HIPK2: variants seen among roughly 807,000 people sequenced by gnomAD.
The protein encoded by HIPK2 is homeodomain-interacting protein kinase 2.
In HIPK2, 27 loss-of-function variants were observed where a neutral mutation model predicts 113.7. The ratio of observed to expected loss-of-function variants is 0.24; its 90% CI spans 0.17 to 0.33. The LOEUF is 0.33. Among genes scored for constraint, HIPK2 ranks in the 10% least tolerant of loss-of-function variants. HIPK2 has a pLI of 1.00. For synonymous variants in HIPK2, 631 were observed against 642.2 expected (o/e 0.98, Z 0.26); for missense variants, 1,257 against 1,588.0 (o/e 0.79, Z 3.54).
chr7:139,755,321 A>G (rs1796345201), intron 1 of HIPK2, among the ~76,000 whole-genome samples: 1 of 152,222 alleles, frequency 6.6e-6, no homozygotes, highest in Admixed American at 6.5e-5. Flanking sequence ...AAAGAACATC[A>G]GTTTTTTACA....
rs76519677 is a variant in HIPK2 at position 139,768,953 on chromosome 7, T to C, written c.19+8652A>G. Among the ~76,000 whole-genome samples the C allele has an allele frequency of 3.1e-3, 470 of 152,302 alleles. 1 individual carries two copies. Among genetic ancestry groups the C allele is most frequent in the African/African-American group, 0.011 (438 of 41,550 alleles). Reference sequence around the variant, plus strand: ...TCATTGCTCTGGCCTCAGATTCTCATGTGTCAAAGACTGAATAATAACGCA... The same window carrying C: ...TCATTGCTCTGGCCTCAGATTCTCACGTGTCAAAGACTGAATAATAACGCA... On this transcript the variant is annotated intron_variant, in intron 1 of 14. Coordinates refer to ENST00000406875, the MANE Select transcript of HIPK2 (RefSeq NM_022740.5).
chr7:139,654,413 T>G (rs1569465680), intron 2 of HIPK2, among the ~76,000 whole-genome samples: 1 of 151,884 alleles, frequency 6.6e-6, no homozygotes, highest in Non-Finnish European at 1.5e-5. Context: ...CTCTGGAGGG[T>G]GAGGCAGGAG....
At position 139,572,910 on chromosome 7, in the gene HIPK2, TCC is replaced by T; in HGVS notation, c.*15_*16del. 4.6e-6 allele frequency: 1 copy of T among 217,220 alleles called. No homozygotes were observed. The highest frequency in any genetic ancestry group is 8.9e-6 in the Non-Finnish European group (1 of 112,458). 13.5% of individuals were successfully genotyped at this position (217,220 alleles called of 1,614,324 possible). A position where few individuals can be genotyped will look rare whatever the true frequency, so the allele number is the denominator to read the frequency against. The stretch of plus-strand genomic sequence containing the variant: ...GCCATTCTCTCCCTCCCTCCCTCCC[TCC>T]CTCCCCTCCAGTGTTTATATGTAAG... On this transcript the variant is annotated 3_prime_UTR_variant, in exon 15 of 15. Transcript: ENST00000406875.
chr7:139,720,401 C>T (rs942420112), intron 1 of HIPK2, among the ~76,000 whole-genome samples: 1 of 152,180 alleles, frequency 6.6e-6, no homozygotes, highest in Non-Finnish European at 1.5e-5. Context: ...TCCCTTCTTG[C>T]TTCAATCCTG....
At chr7:139,744,686 ACTTG>A (rs1796161159) in intron 1 of HIPK2, among the ~76,000 whole-genome samples, 1 of 152,210 alleles carries the variant, frequency 6.6e-6, no homozygotes, top group Non-Finnish European at 1.5e-5. Flanking sequence ...AGATGAGGAA[ACTTG>A]AGGACTGGTG....
intron 12 of HIPK2, among the ~76,000 whole-genome samples, chr7:139,594,524 T>C (rs750736418): frequency 3.4e-4 from 52 of 152,208 alleles, no homozygotes; most frequent in Non-Finnish European, 5.7e-4. Context: ...GGTTTCTCTA[T>C]AAATAAAACA....
rs546082331 is a variant in HIPK2, at chr7:139,561,720, G to C, written c.*11207C>G. On this transcript the variant is annotated 3_prime_UTR_variant, in exon 15 of 15. Coordinates refer to ENST00000406875, the MANE Select transcript of HIPK2 (RefSeq NM_022740.5). ...AAAAATGATCAAAAAGAAACTATGA[G>C]TAACAAGCTATAACATAGTTCACCA... is the stretch of plus-strand genomic sequence containing the variant. The C allele has an allele frequency of 6.6e-6, 1 of 151,488 alleles. No individual in the cohort carries two copies. The highest frequency in any genetic ancestry group is 1.5e-5 in the Non-Finnish European group (1 of 67,976). The allele number at this position is 151,488 out of a possible 1,614,324, so 9.4% of individuals were successfully genotyped here. A position where few individuals can be genotyped will look rare whatever the true frequency, so the allele number is the denominator to read the frequency against.
intron 12 of HIPK2, among the ~76,000 whole-genome samples, chr7:139,590,901 G>A (rs55783681): frequency 1.3e-5 from 2 of 152,112 alleles, no homozygotes; most frequent in Non-Finnish European, 2.9e-5. Flanking sequence ...CTGCAGTATC[G>A]TGTTATGAGC....
intron 2 of HIPK2, among the ~76,000 whole-genome samples, chr7:139,638,734 T>G (rs1405803437): frequency 6.7e-6 from 1 of 150,102 alleles, no homozygotes; most frequent in African/African-American, 2.5e-5. Flanking sequence ...CTTGGCTCAC[T>G]GCCAGCTCCA....
At chr7:139,731,116 T>C (rs1795766045) in intron 1 of HIPK2, among the ~76,000 whole-genome samples, 1 of 152,244 alleles carries the variant, frequency 6.6e-6, no homozygotes, top group African/African-American at 2.4e-5. Context: ...ATGAAACTAG[T>C]ACCCTCTGCA....
intron 1 of HIPK2, among the ~76,000 whole-genome samples, chr7:139,753,726 CA>C (rs1176870234): frequency 6.6e-6 from 1 of 152,226 alleles, no homozygotes; most frequent in Non-Finnish European, 1.5e-5. Context: ...GCTGGAGGGC[CA>C]AGGGAGCGTC....
chr7:139,671,533 G>A (rs1802299302), intron 2 of HIPK2, among the ~76,000 whole-genome samples: 1 of 152,140 alleles, frequency 6.6e-6, no homozygotes. Flanking sequence ...TAGACTCATT[G>A]GTAGTACTTT....
chr7:139,592,093 C>T (rs1799045914), intron 12 of HIPK2, among the ~76,000 whole-genome samples: 1 of 152,236 alleles, frequency 6.6e-6, no homozygotes, highest in Non-Finnish European at 1.5e-5. Flanking sequence ...TTTCTCTAGA[C>T]TTTCAACTTA....
chr7:139,656,739 C>A (rs1306106106), intron 2 of HIPK2, among the ~76,000 whole-genome samples: 1 of 151,976 alleles, frequency 6.6e-6, no homozygotes, highest in African/African-American at 2.4e-5. Context: ...TAGGTCTGAC[C>A]CTTCCCTGTC....
At chr7:139,576,589 G>GCCCTGTGGCGTGATCTC (rs1798499625) in intron 13 of HIPK2, among the ~76,000 whole-genome samples, 1 of 152,216 alleles carries the variant, frequency 6.6e-6, no homozygotes. Flanking sequence ...AGTATTTTCT[G>GCCCTGTGGCGTGATCTC]AGCTCCTGCC....
At position 139,567,610 on chromosome 7, in the gene HIPK2, G is replaced by A. The variant is rs1488248274; in HGVS notation, c.*5317C>T. The A allele has an allele frequency of 2.0e-5, 3 of 152,084 alleles. No individual in the cohort carries two copies. The highest frequency in any genetic ancestry group is 7.2e-5 in the African/African-American group (3 of 41,392). 9.4% of individuals were successfully genotyped at this position (152,084 alleles called of 1,614,324 possible). A position where few individuals can be genotyped will look rare whatever the true frequency, so the allele number is the denominator to read the frequency against. On this transcript the variant is annotated 3_prime_UTR_variant, in exon 15 of 15. Transcript: ENST00000406875. Reference sequence around the variant, plus strand: ...CATCTCTGGCCTGCTCAAGTTTGAAGCTTCCCCATCAGAAGTCTGTAAAAC... The same window carrying A: ...CATCTCTGGCCTGCTCAAGTTTGAAACTTCCCCATCAGAAGTCTGTAAAAC...
intron 1 of HIPK2, among the ~76,000 whole-genome samples, chr7:139,723,605 T>G (rs904324458): frequency 6.6e-6 from 1 of 152,250 alleles, no homozygotes; most frequent in African/African-American, 2.4e-5. Context: ...CACAATTAGA[T>G]GAACTGAAAA....
chr7:139,753,258 C>T (rs1034858996), intron 1 of HIPK2, among the ~76,000 whole-genome samples: 3 of 152,142 alleles, frequency 2.0e-5, no homozygotes, highest in African/African-American at 7.2e-5. Context: ...TCTGAGAGGC[C>T]TCTGCTTTAA....
At chr7:139,594,631 T>C (rs1799134652) in intron 12 of HIPK2, among the ~76,000 whole-genome samples, 1 of 152,218 alleles carries the variant, frequency 6.6e-6, no homozygotes, top group South Asian at 2.1e-4. Flanking sequence ...ATTAGATCTC[T>C]CTAGAAAACA....
Sources: allele counts gnomAD v4.1 joint callset (sites outside exome capture counted in the v4.1 genomes callset), GRCh38; gene constraint gnomAD v4.1.1; transcripts MANE v1.5; gene names NCBI Gene and HGNC (gene_info 2026-07-23, HGNC 2026-07-21).